The following SYTL2 variants were observed in gnomAD, a reference collection of about 807,000 sequenced individuals.
SYTL2 encodes the protein synaptotagmin like 2.
A neutral mutation model predicts 198.7 loss-of-function variants in SYTL2; 165 were observed. The observed-to-expected ratio is 0.83, with a 90% CI of 0.73 to 0.94. The LOEUF is 0.94. SYTL2 is among the 40% of genes least tolerant of loss of function. The pLI is 0.00. For synonymous variants in SYTL2, 966 were observed against 917.7 expected (o/e 1.05, Z -0.95); for missense variants, 2,835 against 2,582.8 (o/e 1.10, Z -2.12).
At chr11:85,815,152 C>T (rs559511994), upstream of SYTL2, among the ~76,000 whole-genome samples, 1 of 152,296 alleles carries the variant, frequency 6.6e-6, no homozygotes, top group Non-Finnish European at 1.5e-5. Flanking sequence ...CATTGACAAA[C>T]AGGTCTCTCA....
chr11:85,818,693 C>CTACA, the SYTL2 span, among the ~76,000 whole-genome samples: 2 of 151,798 alleles, frequency 1.3e-5, no homozygotes, highest in Non-Finnish European at 2.9e-5. Context: ...ATCTATCTAC[C>CTACA]TATCTATTTA....
At chr11:85,780,536 G>A (rs1440017341) in intron 1 of SYTL2, among the ~76,000 whole-genome samples, 1 of 152,198 alleles carries the variant, frequency 6.6e-6, no homozygotes, top group Non-Finnish European at 1.5e-5. Context: ...AATCAGTCAC[G>A]CCTATGTAAC....
chr11:85,824,103 T>A, the SYTL2 span, among the ~76,000 whole-genome samples: 4,603 of 152,264 alleles, frequency 0.03, 105 homozygotes, highest in Non-Finnish European at 0.048. Flanking sequence ...CTCAGTGACT[T>A]ACAGAGCACT....
intron 1 of SYTL2, among the ~76,000 whole-genome samples, chr11:85,767,911 A>G (rs1386726217): frequency 6.6e-6 from 1 of 152,162 alleles, no homozygotes; most frequent in Non-Finnish European, 1.5e-5. Flanking sequence ...TAGGTGAAGC[A>G]AGCAAGGCAC....
chr11:85,850,829 T>C, the SYTL2 span, among the ~76,000 whole-genome samples: 4,530 of 148,378 alleles, frequency 0.031, 79 homozygotes, highest in African/African-American at 0.067. Context: ...ATATACACCA[T>C]GGAATACTAT....
At chr11:85,834,170 C>T in the SYTL2 span, among the ~76,000 whole-genome samples, 1 of 151,992 alleles carries the variant, frequency 6.6e-6, no homozygotes, top group Non-Finnish European at 1.5e-5. Flanking sequence ...ACAAATACTG[C>T]AGATATTATC....
At chr11:85,814,228 C>T (rs951273134), upstream of SYTL2, among the ~76,000 whole-genome samples, 1 of 152,150 alleles carries the variant, frequency 6.6e-6, no homozygotes, top group Non-Finnish European at 1.5e-5. Flanking sequence ...CTCTCTGCAC[C>T]CCAGTTTTCT....
At chr11:85,799,299 A>T (rs963756235) in intron 1 of SYTL2, among the ~76,000 whole-genome samples, 3 of 152,208 alleles carry the variant, frequency 2.0e-5, no homozygotes, top group African/African-American at 7.2e-5. Flanking sequence ...AGATGAGGAC[A>T]TAAAGAATGA....
intron 8 of SYTL2, among the ~76,000 whole-genome samples, 161 bp from the exon 9 acceptor site, chr11:85,721,120 A>G (rs575427919): frequency 6.6e-6 from 1 of 152,334 alleles, no homozygotes; most frequent in South Asian, 2.1e-4. Context: ...TTTCTCCACT[A>G]TTAATATGCT....
chr11:85,711,164 C>T lies in SYTL2; in HGVS notation c.5694G>A (p.Pro1898=), dbSNP rs369710130. 383 of 1,613,888 alleles carry T rather than the reference C, an allele frequency of 2.4e-4. No individual in the cohort carries two copies. The highest frequency in any genetic ancestry group is 3.1e-4 in the Non-Finnish European group (365 of 1,179,938). The part of the protein sequence containing the change: ...SYQLSRHKKS[P]SSLTNLSSSS... ...AGCTGCTAAGATTGGTTAAAGAGCTCGGGCTCTTCTTGTGTCTGCTGAGCT... is the reference window on the plus strand; with the variant it reads ...AGCTGCTAAGATTGGTTAAAGAGCTTGGGCTCTTCTTGTGTCTGCTGAGCT... Residue 1898 remains proline, a synonymous_variant, in exon 13 of 20, where the codon CCG becomes CCA. Coordinates refer to ENST00000359152, the MANE Select transcript of SYTL2 (RefSeq NM_206927.4).
intron 1 of SYTL2, among the ~76,000 whole-genome samples, chr11:85,795,170 T>A (rs2092784925): frequency 6.6e-6 from 1 of 152,178 alleles, no homozygotes; most frequent in African/African-American, 2.4e-5. Flanking sequence ...AATACTTATA[T>A]TAGCTAATAT....
the SYTL2 span, among the ~76,000 whole-genome samples, chr11:85,852,080 T>G: frequency 1.6e-4 from 24 of 152,226 alleles, no homozygotes; most frequent in African/African-American, 4.8e-4. Context: ...GAAAAACTCC[T>G]TTAACCAAAA....
chr11:85,714,594 T>C (rs1305816260), intron 11 of SYTL2, 87 bp from the exon 12 acceptor site: 8 of 1,520,388 alleles, frequency 5.3e-6, no homozygotes, highest in Non-Finnish European at 5.3e-6. Context: ...TTTTATTTAA[T>C]CTATGAACAA....
intron 11 of SYTL2, 40 bp from the exon 12 acceptor site, chr11:85,714,547 T>C: frequency 1.9e-6 from 3 of 1,591,534 alleles, no homozygotes; most frequent in Non-Finnish European, 2.6e-6. Flanking sequence ...ATTCTTACAA[T>C]TGTCAGAAAA....
At position 85,725,657 on chromosome 11, in the gene SYTL2, G is replaced by A. The variant is rs2089050156; in HGVS notation, c.3701C>T (p.Pro1234Leu). 11 of 1,614,054 alleles carry A rather than the reference G, an allele frequency of 6.8e-6. No individual in the cohort carries two copies. The East Asian group carries it at 2.5e-4, about 36-fold the overall frequency. ...CTTAGAGTTGGTTCCAGTGATAACAGGCGCCAACTTGGCTTGCAAGGGAGA... is the reference window on the plus strand; with the variant it reads ...CTTAGAGTTGGTTCCAGTGATAACAAGCGCCAACTTGGCTTGCAAGGGAGA... ...SPSPLQAKLA[P>L]VITGTNSKLE... is the part of the protein sequence containing the mutation. Residue 1234 changes from proline (P) to leucine (L), a missense_variant, in exon 8 of 20, where the codon CCT becomes CTT. Pro to Leu is a moderately conservative substitution (Grantham distance 98). Around this residue, in one of 3 missense-constraint regions of SYTL2, gnomAD observed 2,645 missense variants for 2,381.7 expected, o/e 1.11. Transcript: ENST00000359152.
chr11:85,844,883 G>A, the SYTL2 span, among the ~76,000 whole-genome samples: 1 of 152,152 alleles, frequency 6.6e-6, no homozygotes, highest in Non-Finnish European at 1.5e-5. Context: ...GACCCGCCAT[G>A]ATTTGTCCCT....
chr11:85,759,847 A>T (rs1273103344), intron 1 of SYTL2, among the ~76,000 whole-genome samples: 2 of 152,174 alleles, frequency 1.3e-5, no homozygotes, highest in African/African-American at 4.8e-5. Context: ...ACCCTTCAAG[A>T]CAAATCAAAG....
chr11:85,814,200 C>A (rs1447189794), upstream of SYTL2, among the ~76,000 whole-genome samples: 1 of 152,180 alleles, frequency 6.6e-6, no homozygotes. Flanking sequence ...AAAGAATAAT[C>A]TCCATGCCTC....
intron 1 of SYTL2, among the ~76,000 whole-genome samples, chr11:85,789,230 G>A (rs866368369): frequency 6.7e-6 from 1 of 148,336 alleles, no homozygotes; most frequent in South Asian, 2.1e-4. Flanking sequence ...CTGAGTAGCT[G>A]GGACTACAGG....
Sources: allele counts gnomAD v4.1 joint callset (sites outside exome capture counted in the v4.1 genomes callset), GRCh38; gene constraint gnomAD v4.1.1; regional missense constraint gnomAD v4.1.1; transcripts MANE v1.5; gene names NCBI Gene and HGNC (gene_info 2026-07-23, HGNC 2026-07-21).